The following ATP2B2 variants were observed in gnomAD, a reference collection of about 807,000 sequenced individuals.
ATP2B2 encodes the protein plasma membrane calcium-transporting ATPase 2.
ATP2B2 carries 15 observed loss-of-function variants against 120.0 expected under a neutral mutation model. That is an observed-to-expected ratio of 0.12 (90% CI 0.08 to 0.19). The LOEUF is 0.19. Among genes scored for constraint, ATP2B2 ranks in the 10% least tolerant of loss-of-function variants. The pLI is 1.00. For missense variants in ATP2B2, 1,045 were observed against 1,719.8 expected (o/e 0.61, Z 6.94); for synonymous variants, 694 against 700.3 (o/e 0.99, Z 0.14).
In ATP2B2 at chr3:10,498,611, G is replaced by A. The variant is rs767490716; in HGVS notation, c.-320+6854C>T. Among the ~76,000 whole-genome samples the A allele has an allele frequency of 5.9e-5, 9 of 152,326 alleles. No individual in the cohort carries two copies. In the South Asian group the frequency reaches 1.4e-3, roughly 25 times the overall value. On this transcript the variant is annotated intron_variant, in intron 1 of 22. Coordinates refer to ENST00000360273, the MANE Select transcript of ATP2B2 (RefSeq NM_001001331.4). ...CCCATGGCTCCCACAAAATGGTCCC[G>A]GGGCAGCCAGACATGGCCCGGTAGA... is the stretch of plus-strand genomic sequence containing the variant.
chr3:10,441,648 A>G (rs1009523892), intron 2 of ATP2B2, among the ~76,000 whole-genome samples: 1 of 152,250 alleles, frequency 6.6e-6, no homozygotes, highest in Non-Finnish European at 1.5e-5. Flanking sequence ...TCACACAGAC[A>G]CTGCCCCTGA....
Position 10,610,076 on chromosome 3 carries a change from T to C in ATP2B2, c.-415+9841A>G, listed in dbSNP as rs370595538. ...TCATACACATATACATATACACACA[T>C]ACACACACACACACACACACACACA... On this transcript the variant is annotated intron_variant, in intron 2 of 21. Transcript: ENST00000646379. 2.9e-4 allele frequency among the ~76,000 whole-genome samples: 43 copies of C among 146,686 alleles called. 1 individual carries two copies. The highest frequency in any genetic ancestry group is 6.8e-4 in the Admixed American group (10 of 14,736).
At chr3:10,460,024 T>G (rs1375551436) in intron 1 of ATP2B2, among the ~76,000 whole-genome samples, 1 of 152,278 alleles carries the variant, frequency 6.6e-6, no homozygotes, top group African/African-American at 2.4e-5. Context: ...GTCAGTATTC[T>G]GACCACACAC....
At chr3:10,415,337 G>A (rs773815743) in intron 2 of ATP2B2, among the ~76,000 whole-genome samples, 8 of 152,206 alleles carry the variant, frequency 5.3e-5, no homozygotes, top group Non-Finnish European at 8.8e-5. Context: ...TAAGCCAGAC[G>A]TTCTGGAGAG....
intron 1 of ATP2B2, among the ~76,000 whole-genome samples, chr3:10,472,145 A>G (rs1270295337): frequency 6.6e-6 from 1 of 151,976 alleles, no homozygotes. Context: ...GGAGGGACGC[A>G]GAGACAGAGG....
chr3:10,612,937 G>C (rs1207219612), intron 2 of ATP2B2, among the ~76,000 whole-genome samples: 1 of 152,184 alleles, frequency 6.6e-6, no homozygotes, highest in Non-Finnish European at 1.5e-5. Context: ...GAACCCCTTA[G>C]AGTTTATGCT....
In ATP2B2 at chr3:10,375,314, G is replaced by C; in HGVS notation, c.1416+116C>G. ...ATACATTCTTCTTCCAAGCTCCTAGGGGGTCTATGGGGCTTCTTCGTTCAT... is the reference window on the plus strand; with the variant it reads ...ATACATTCTTCTTCCAAGCTCCTAGCGGGTCTATGGGGCTTCTTCGTTCAT... On this transcript the variant is annotated intron_variant, in intron 11 of 22. Transcript: ENST00000360273. This position sits in a 1 kb window ranked among gnomAD's most constrained non-coding sequence, Gnocchi z 4.2. 1 of 856,714 alleles carries C rather than the reference G, an allele frequency of 1.2e-6. No individual in the cohort carries two copies. Among genetic ancestry groups the C allele is most frequent in the Non-Finnish European group, 1.9e-6 (1 of 523,908 alleles). The allele number at this position is 856,714 out of a possible 1,614,324, so 53.1% of individuals were successfully genotyped here.
chr3:10,505,147 G>A (rs918833408), intron 1 of ATP2B2, among the ~76,000 whole-genome samples: 4 of 152,070 alleles, frequency 2.6e-5, no homozygotes, highest in Non-Finnish European at 5.9e-5. Context: ...AGAGGCTGCC[G>A]GAATCTACCT....
intron 1 of ATP2B2, among the ~76,000 whole-genome samples, chr3:10,620,765 A>G (rs1231011952): frequency 6.6e-6 from 1 of 152,072 alleles, no homozygotes; most frequent in East Asian, 1.9e-4. Flanking sequence ...ATCTCACCAG[A>G]GCTTCTCATT....
At chr3:10,633,811 T>C (rs1445422507) in intron 1 of ATP2B2, among the ~76,000 whole-genome samples, 1 of 152,214 alleles carries the variant, frequency 6.6e-6, no homozygotes, top group Non-Finnish European at 1.5e-5. Context: ...GGGCAGCCTG[T>C]ATTGGCTGTC....
intron 2 of ATP2B2, among the ~76,000 whole-genome samples, chr3:10,556,875 A>G (rs1011572550): frequency 2.0e-5 from 3 of 152,176 alleles, no homozygotes; most frequent in Non-Finnish European, 4.4e-5. Flanking sequence ...AATTGTCCCT[A>G]TTTTGCAAGT....
intron 1 of ATP2B2, among the ~76,000 whole-genome samples, chr3:10,459,582 G>C (rs767353146): frequency 1.1e-4 from 16 of 152,220 alleles, no homozygotes; most frequent in Admixed American, 2.6e-4. Flanking sequence ...CCAGCCTCCA[G>C]GTCCTAACTG....
intron 1 of ATP2B2, among the ~76,000 whole-genome samples, chr3:10,639,295 T>C (rs1215063773): frequency 6.6e-6 from 1 of 152,128 alleles, no homozygotes; most frequent in African/African-American, 2.4e-5. Context: ...GGAAGAATAT[T>C]GTTCATTCTG....
At chr3:10,438,380 G>A (rs534513473) in intron 2 of ATP2B2, among the ~76,000 whole-genome samples, 7 of 152,310 alleles carry the variant, frequency 4.6e-5, no homozygotes, top group South Asian at 4.1e-4. Context: ...AGTGTGGGCC[G>A]TTTCTCCTTC....
chr3:10,590,771 G>A lies in ATP2B2; in HGVS notation c.-415+29146C>T, dbSNP rs531800405. On this transcript the variant is annotated intron_variant, in intron 2 of 21. Transcript: ENST00000646379. ...CAGTTGTGCTCACAACATCAGCGTGGAGGAAGAGCCTGAAGCATGTGCACC... is the reference window on the plus strand; with the variant it reads ...CAGTTGTGCTCACAACATCAGCGTGAAGGAAGAGCCTGAAGCATGTGCACC... Among the ~76,000 whole-genome samples the A allele has an allele frequency of 3.3e-5, 5 of 152,314 alleles. No homozygotes were observed. The South Asian group carries it at 1.0e-3, about 32-fold the overall frequency.
intron 3 of ATP2B2, among the ~76,000 whole-genome samples, chr3:10,532,403 C>T (rs1368054796): frequency 6.6e-6 from 1 of 152,192 alleles, no homozygotes; most frequent in Non-Finnish European, 1.5e-5. Flanking sequence ...TATAACAAAA[C>T]AGGTTGAATT....
chr3:10,605,544 G>A (rs1021241254), intron 2 of ATP2B2, among the ~76,000 whole-genome samples: 49 of 152,156 alleles, frequency 3.2e-4, no homozygotes, highest in Admixed American at 1.6e-3. Context: ...TCCTTAGCTT[G>A]TCAGGAAATA....
chr3:10,470,998 G>C (rs534918756), intron 1 of ATP2B2, among the ~76,000 whole-genome samples: 1 of 152,218 alleles, frequency 6.6e-6, no homozygotes. Context: ...AGAACGGGGG[G>C]CCTGGGGGGC....
At chr3:10,547,256 G>A (rs2067567875) in intron 2 of ATP2B2, among the ~76,000 whole-genome samples, 3 of 152,164 alleles carry the variant, frequency 2.0e-5, no homozygotes, top group African/African-American at 2.4e-5. Context: ...GACTGCCACT[G>A]AGGCTGTGTG....
Sources: gnomAD v4.1 joint callset for allele counts (sites outside exome capture counted in the v4.1 genomes callset) on GRCh38, gnomAD v4.1.1 for gene constraint, Gnocchi (gnomAD v3.1) non-coding constraint, MANE v1.5 for transcripts, NCBI Gene and HGNC (gene_info 2026-07-23, HGNC 2026-07-21) for gene names.